Variants in USP32 observed in about 807,000 individuals in gnomAD.
The protein encoded by USP32 is ubiquitin carboxyl-terminal hydrolase 32.
A neutral mutation model predicts 204.8 loss-of-function variants in USP32; 59 were observed. The ratio of observed to expected loss-of-function variants is 0.29; its 90% CI spans 0.23 to 0.36. The LOEUF is 0.36. Among genes scored for constraint, USP32 ranks in the 10% least tolerant of loss-of-function variants. USP32 has a pLI of 1.00. For synonymous variants in USP32, 517 were observed against 678.4 expected (o/e 0.76, Z 3.70); for missense variants, 1,160 against 1,946.4 (o/e 0.60, Z 7.60).
chr17:60,336,515 A>C lies in USP32; in HGVS notation c.186+8966T>G, dbSNP rs1057176416. ...CGGATCACGAGGTCAAGAGATCGAG[A>C]CCATCCCGGCTAAAACGGTGAAACC... is the stretch of plus-strand genomic sequence containing the variant. On this transcript the variant is annotated intron_variant, in intron 2 of 33. Transcript: ENST00000300896. Among the ~76,000 whole-genome samples the C allele has an allele frequency of 7.7e-4, 108 of 141,008 alleles. 6 individuals are homozygous for C. Among genetic ancestry groups the C allele is most frequent in the Admixed American group, 3.0e-3 (43 of 14,548 alleles). The allele number at this position is 141,008 out of a possible 152,430, so 92.5% of individuals were successfully genotyped here. A position where few individuals can be genotyped will look rare whatever the true frequency, so the allele number is the denominator to read the frequency against.
At chr17:60,288,391 G>A (rs901056564) in intron 5 of USP32, 132 bp downstream of exon 5, 144 of 1,093,262 alleles carry the variant, frequency 1.3e-4, no homozygotes, top group African/African-American at 2.6e-4. Flanking sequence ...CGTAAGCCAC[G>A]ATGGTGCCAC....
At chr17:60,394,140 AT>A (rs2089882784), upstream of USP32, among the ~76,000 whole-genome samples, 1 of 152,200 alleles carries the variant, frequency 6.6e-6, no homozygotes, top group African/African-American at 2.4e-5. Context: ...GGGGTTGGGA[AT>A]ACATTTCAAA....
At chr17:60,219,817 C>G (rs1426965843) in intron 15 of USP32, 30 bp from the exon 16 acceptor site, 1 of 1,564,512 alleles carries the variant, frequency 6.4e-7, no homozygotes, top group Non-Finnish European at 8.6e-7. Flanking sequence ...AAAGAGATCA[C>G]TAAAAAAAGA....
intron 29 of USP32, among the ~76,000 whole-genome samples, chr17:60,188,850 A>G (rs1205767349): frequency 6.6e-6 from 1 of 152,270 alleles, no homozygotes; most frequent in African/African-American, 2.4e-5. Context: ...CCCTACATGT[A>G]GGGGAGCCCA....
rs75126591 is a variant in USP32 at position 60,281,566 on chromosome 17, G to A, written c.571+6957C>T. Among the ~76,000 whole-genome samples, 660 of 151,548 alleles carry A rather than the reference G, an allele frequency of 4.4e-3. 10 individuals are homozygous for A. The highest frequency in any genetic ancestry group is 0.015 in the African/African-American group (610 of 41,362). ...AAAAAAAAAATGCTGTATACCAGAC[G>A]CAGGCTGAGTCCTTTTATTAATAAT... On this transcript the variant is annotated intron_variant, in intron 5 of 33. Transcript: ENST00000300896.
upstream of USP32, chr17:60,392,739 G>A (rs2089863970): frequency 2.6e-6 from 1 of 387,300 alleles, no homozygotes; most frequent in Non-Finnish European, 5.2e-6. Flanking sequence ...ACAAAAGAAT[G>A]CTCACACCTA....
At chr17:60,191,603 G>A (rs1452223397) in intron 28 of USP32, among the ~76,000 whole-genome samples, 11 of 150,940 alleles carry the variant, frequency 7.3e-5, no homozygotes, top group Non-Finnish European at 1.2e-4. Context: ...TCCGCCTCCC[G>A]GGTTCAAGCA....
At chr17:60,412,867 A>G (rs2090029370) in intron 1 of USP32, among the ~76,000 whole-genome samples, 1 of 152,214 alleles carries the variant, frequency 6.6e-6, no homozygotes, top group Non-Finnish European at 1.5e-5. Context: ...CCTTCCAGAA[A>G]GAGCCAAGAG....
chr17:60,197,874 T>G (rs2084564949), intron 27 of USP32, among the ~76,000 whole-genome samples: 1 of 152,236 alleles, frequency 6.6e-6, no homozygotes, highest in South Asian at 2.1e-4. Context: ...TTTTGTATCA[T>G]GAGACTTTTC....
chr17:60,337,676 T>C (rs2088554426), intron 2 of USP32, among the ~76,000 whole-genome samples: 1 of 152,110 alleles, frequency 6.6e-6, no homozygotes. Flanking sequence ...TAAGAGTTTG[T>C]GACCAGCCTA....
intron 5 of USP32, among the ~76,000 whole-genome samples, chr17:60,283,606 G>A (rs950551281): frequency 6.6e-6 from 1 of 151,416 alleles, no homozygotes; most frequent in African/African-American, 2.4e-5. Flanking sequence ...GGTTAGTCAA[G>A]TTAGACACTG....
rs192393702 is a variant in USP32, at chr17:60,296,143, T to C, written c.293-1342A>G. On this transcript the variant is annotated intron_variant, in intron 3 of 33. Coordinates refer to ENST00000300896, the MANE Select transcript of USP32 (RefSeq NM_032582.4). ...TTTAAAAAATCAAATCAGGGACATATGATACAATGTTAAGAAATAGTTAAG... is the reference window on the plus strand; with the variant it reads ...TTTAAAAAATCAAATCAGGGACATACGATACAATGTTAAGAAATAGTTAAG... Among the ~76,000 whole-genome samples the C allele has an allele frequency of 4.2e-3, 642 of 152,294 alleles. 7 individuals carry two copies. The highest frequency in any genetic ancestry group is 4.5e-3 in the Non-Finnish European group (304 of 68,024).
intron 2 of USP32, among the ~76,000 whole-genome samples, chr17:60,305,499 A>G (rs1024008090): frequency 1.3e-5 from 2 of 152,218 alleles, no homozygotes; most frequent in Admixed American, 1.3e-4. Flanking sequence ...ACATTTCAAT[A>G]TAAGATTTGG....
intron 28 of USP32, among the ~76,000 whole-genome samples, chr17:60,191,519 AT>A (rs1274144387): frequency 6.9e-6 from 1 of 145,260 alleles, no homozygotes; most frequent in African/African-American, 2.5e-5. Flanking sequence ...TATTATTATT[AT>A]TTTTCTTGAG....
chr17:60,325,837 G>A (rs544072144), intron 2 of USP32, among the ~76,000 whole-genome samples: 1 of 152,166 alleles, frequency 6.6e-6, no homozygotes, highest in East Asian at 1.9e-4. Flanking sequence ...GCTGAGGCAG[G>A]AAGATTGCTT....
intron 1 of USP32, among the ~76,000 whole-genome samples, chr17:60,367,673 T>C (rs1324432940): frequency 6.6e-6 from 1 of 152,164 alleles, no homozygotes; most frequent in Non-Finnish European, 1.5e-5. Flanking sequence ...CCAGGTGTGG[T>C]GGCACATGCC....
chr17:60,210,460 C>T (rs1447511497), intron 21 of USP32, among the ~76,000 whole-genome samples: 1 of 152,100 alleles, frequency 6.6e-6, no homozygotes, highest in Non-Finnish European at 1.5e-5. Context: ...TACAAGCATG[C>T]ACCACTATGC....
chr17:60,203,396 CAAAAAAAAA>C (rs554691150), intron 26 of USP32, among the ~76,000 whole-genome samples: 8 of 24,378 alleles, frequency 3.3e-4, no homozygotes, highest in East Asian at 1.3e-3. Context: ...GCGAGACTGT[CAAAAAAAAA>C]AAAAAAAAAA....
intron 1 of USP32, among the ~76,000 whole-genome samples, chr17:60,397,573 G>T (rs1212506665): frequency 6.6e-6 from 1 of 152,032 alleles, no homozygotes; most frequent in Non-Finnish European, 1.5e-5. Flanking sequence ...TGTTGCCCAG[G>T]CTGGTCTCAA....
Sources: allele counts gnomAD v4.1 joint callset (sites outside exome capture counted in the v4.1 genomes callset), GRCh38; gene constraint gnomAD v4.1.1; transcripts MANE v1.5; gene names NCBI Gene and HGNC (gene_info 2026-07-23, HGNC 2026-07-21).